MAP4K5: variants seen among roughly 807,000 people sequenced by gnomAD.
MAP4K5 encodes mitogen-activated protein kinase kinase kinase kinase 5.
MAP4K5 carries 82 observed loss-of-function variants against 135.6 expected under a neutral mutation model. The ratio of observed to expected loss-of-function variants is 0.60; its 90% CI spans 0.51 to 0.73. The LOEUF (loss-of-function observed/expected upper bound fraction) is 0.73, where lower values mean the gene tolerates loss of function less well. Among genes scored for constraint, MAP4K5 ranks in the 30% least tolerant of loss-of-function variants. The pLI is 0.00. For missense variants in MAP4K5, 907 were observed against 1,010.9 expected (o/e 0.90, Z 1.39); for synonymous variants, 347 against 335.0 (o/e 1.04, Z -0.39).
chr14:50,467,362 A>T (rs1040563779), intron 10 of MAP4K5, among the ~76,000 whole-genome samples: 2 of 151,930 alleles, frequency 1.3e-5, no homozygotes, highest in Non-Finnish European at 2.9e-5. Flanking sequence ...AAGGAAAAAT[A>T]AAAAAAACTA....
intron 1 of MAP4K5, among the ~76,000 whole-genome samples, chr14:50,558,305 G>A (rs1298409312): frequency 2.6e-5 from 4 of 152,222 alleles, no homozygotes; most frequent in Non-Finnish European, 5.9e-5. Context: ...GTTGTAGTGA[G>A]CTGAGATCAC....
chr14:50,484,934 T>C (rs1011959407), intron 5 of MAP4K5, among the ~76,000 whole-genome samples: 1 of 152,150 alleles, frequency 6.6e-6, no homozygotes, highest in Non-Finnish European at 1.5e-5. Context: ...GGAGTTTTAC[T>C]ATCCCATATC....
intron 2 of MAP4K5, among the ~76,000 whole-genome samples, chr14:50,514,705 G>C (rs1221358088): frequency 6.6e-6 from 1 of 152,076 alleles, no homozygotes; most frequent in Non-Finnish European, 1.5e-5. Flanking sequence ...AAGAGATTAT[G>C]GATAGCAAAA....
At chr14:50,532,876 A>G (rs1457844256), upstream of MAP4K5, 2 of 152,356 alleles carry the variant, frequency 1.3e-5, no homozygotes, top group South Asian at 4.1e-4. Context: ...TTTGTCAGGT[A>G]GGCCTGTAGG....
chr14:50,492,995 C>T (rs983867122), intron 3 of MAP4K5, among the ~76,000 whole-genome samples: 4 of 150,638 alleles, frequency 2.7e-5, no homozygotes, highest in African/African-American at 4.9e-5. Flanking sequence ...GACTGCACCA[C>T]TGCCCTCCAG....
At chr14:50,545,325 T>G (rs1408926862) in intron 1 of MAP4K5, among the ~76,000 whole-genome samples, 2 of 152,154 alleles carry the variant, frequency 1.3e-5, no homozygotes, top group African/African-American at 4.8e-5. Context: ...CCCTCCCAGT[T>G]TGGGAGACCA....
intron 23 of MAP4K5, chr14:50,438,550 A>G (rs1284411680): frequency 6.5e-6 from 1 of 153,552 alleles, no homozygotes; most frequent in African/African-American, 2.4e-5. Flanking sequence ...CAGGGCTACA[A>G]TTCCATATAA....
chr14:50,511,535 A>G (rs887839053), intron 2 of MAP4K5, among the ~76,000 whole-genome samples: 1 of 152,168 alleles, frequency 6.6e-6, no homozygotes, highest in Non-Finnish European at 1.5e-5. Flanking sequence ...AATATATTAC[A>G]TAGTTTCAAA....
intron 2 of MAP4K5, among the ~76,000 whole-genome samples, chr14:50,521,998 G>A (rs1249470543): frequency 6.6e-6 from 1 of 152,094 alleles, no homozygotes; most frequent in African/African-American, 2.4e-5. Context: ...AGTATTGCTT[G>A]TTAATAGAGT....
At chr14:50,434,306 C>A (rs557571345) in intron 28 of MAP4K5, 88 bp downstream of exon 28, 12 of 926,260 alleles carry the variant, frequency 1.3e-5, no homozygotes, top group South Asian at 3.5e-5. Flanking sequence ...AGAGCCCACA[C>A]TGGTGTTTTG....
intron 29 of MAP4K5, 144 bp downstream of exon 29, chr14:50,429,048 A>C (rs952864984): frequency 3.4e-6 from 2 of 585,426 alleles, no homozygotes; most frequent in South Asian, 5.3e-5. Flanking sequence ...TAGCCATAAG[A>C]GGTGATTTTT....
intron 30 of MAP4K5, among the ~76,000 whole-genome samples, chr14:50,427,663 TTTCCA>T (rs2035875580): frequency 1.3e-5 from 2 of 152,326 alleles, no homozygotes; most frequent in South Asian, 4.1e-4. Context: ...TTTAAAAATG[TTTCCA>T]TTCATCATTT....
Position 50,461,904 on chromosome 14 carries a change from C to T in MAP4K5, c.936+761G>A, listed in dbSNP as rs572938588. On this transcript the variant is annotated intron_variant, in intron 13 of 32. Coordinates refer to ENST00000682126, the MANE Select transcript of MAP4K5 (RefSeq NM_006575.6). The stretch of plus-strand genomic sequence containing the variant: ...ACTGCACTCCAACCTGGCGACAGAG[C>T]GAGACTCCATCTCAAAAAAAAAAAA... Among the ~76,000 whole-genome samples the T allele has an allele frequency of 6.0e-5, 9 of 149,156 alleles. No individual in the cohort carries two copies. The East Asian group carries it at 9.8e-4, about 16-fold the overall frequency.
chr14:50,492,436 A>C (rs1446771775), intron 3 of MAP4K5, among the ~76,000 whole-genome samples: 10 of 151,922 alleles, frequency 6.6e-5, no homozygotes, highest in African/African-American at 9.7e-5. Flanking sequence ...CACAAAAAAA[A>C]CACAAAAATT....
In MAP4K5 at chr14:50,440,067, G is replaced by A; in HGVS notation, c.1651C>T (p.Pro551Ser). 1 of 1,496,396 alleles carries A rather than the reference G, an allele frequency of 6.7e-7. No individual in the cohort carries two copies. Among genetic ancestry groups the A allele is most frequent in the Non-Finnish European group, 9.1e-7 (1 of 1,094,928 alleles). The allele number at this position is 1,496,396 out of a possible 1,614,324, so 92.7% of individuals were successfully genotyped here. Residue 551 changes from proline to serine, a missense_variant, in exon 23 of 33, where the codon CCA becomes TCA. Around this residue, in one of 3 missense-constraint regions of MAP4K5, gnomAD observed 690 missense variants for 777.4 expected, o/e 0.89. Coordinates refer to ENST00000682126, the MANE Select transcript of MAP4K5 (RefSeq NM_006575.6). Reference sequence around the variant, plus strand: ...ACATACAGCCAAGTACACTTCCGTGGAAATAACTAAGAAAAAGAAGATAAT... The same window carrying A: ...ACATACAGCCAAGTACACTTCCGTGAAAATAACTAAGAAAAAGAAGATAAT... ...LHEATMEQLF[P>S]RKCTWLYVIN...
At chr14:50,494,901 C>T (rs1250581319) in intron 3 of MAP4K5, among the ~76,000 whole-genome samples, 1 of 152,164 alleles carries the variant, frequency 6.6e-6, no homozygotes, top group East Asian at 1.9e-4. Flanking sequence ...TAAAGTTGGA[C>T]CCCTGCCTTA....
intron 6 of MAP4K5, among the ~76,000 whole-genome samples, chr14:50,482,014 G>A (rs2037253835): frequency 1.3e-5 from 2 of 152,174 alleles, no homozygotes; most frequent in African/African-American, 4.8e-5. Flanking sequence ...GAGAGGTTTG[G>A]TAATTCATTC....
intron 21 of MAP4K5, among the ~76,000 whole-genome samples, chr14:50,441,465 T>A: frequency 6.6e-6 from 1 of 152,094 alleles, no homozygotes; most frequent in Non-Finnish European, 1.5e-5. Flanking sequence ...GCATGAGGAC[T>A]CATTATACAA....
intron 1 of MAP4K5, chr14:50,560,203 C>T (rs2140172893): frequency 1.3e-6 from 2 of 1,599,406 alleles, no homozygotes; most frequent in Non-Finnish European, 8.5e-7. Flanking sequence ...CAGCAACCTG[C>T]GGCCCCGGAG....
Sources: allele counts gnomAD v4.1 joint callset (sites outside exome capture counted in the v4.1 genomes callset), GRCh38; gene constraint gnomAD v4.1.1; regional missense constraint gnomAD v4.1.1; transcripts MANE v1.5; gene names NCBI Gene and HGNC (gene_info 2026-07-23, HGNC 2026-07-21).